Variants in SRP19 observed in about 807,000 individuals in gnomAD.
The protein encoded by SRP19 is signal recognition particle 19.
Under a neutral mutation model 22.4 loss-of-function variants are expected in SRP19, and 11 were observed. The observed-to-expected ratio is 0.49, with a 90% CI of 0.31 to 0.81. The LOEUF (loss-of-function observed/expected upper bound fraction) is 0.81. Ranked by LOEUF, SRP19 falls within the 40% of genes least tolerant of loss-of-function variation. The probability of loss-of-function intolerance (pLI) is 0.05; values close to 1 mark genes in which losing one functional copy is unlikely to be tolerated. For synonymous variants in SRP19, 61 were observed against 57.6 expected (o/e 1.06, Z -0.27); for missense variants, 168 against 175.9 (o/e 0.96, Z 0.25).
At chr5:112,877,462 A>G (rs1473307051) in intron 4 of SRP19, 1 of 152,218 alleles carries the variant, frequency 6.6e-6, no homozygotes, top group Non-Finnish European at 1.5e-5. Context: ...GATTTGGCAG[A>G]TCAATGGAGA....
chr5:112,891,732 G>A (rs1580737208), exon 5 of SRP19: 1 of 1,614,082 alleles, frequency 6.2e-7, no homozygotes, highest in African/African-American at 1.3e-5. Context: ...TGAAGAAGGA[G>A]AAACGAAAGA....
downstream of SRP19, chr5:112,893,289 A>C (rs1209965207): frequency 8.1e-6 from 2 of 247,110 alleles, no homozygotes; most frequent in Admixed American, 5.1e-5. Flanking sequence ...AGGCGTCTGT[A>C]ATCCAAGCTA....
downstream of SRP19, chr5:112,896,477 C>T (rs1388039594): frequency 6.6e-6 from 1 of 152,028 alleles, no homozygotes; most frequent in Non-Finnish European, 1.5e-5. Flanking sequence ...GAGCAGAGAT[C>T]ACGCCACTTC....
At chr5:112,873,276 T>C (rs1243395139), downstream of SRP19, among the ~76,000 whole-genome samples, 2 of 146,426 alleles carry the variant, frequency 1.4e-5, no homozygotes, top group African/African-American at 2.5e-5. Context: ...GTTTTCTTTT[T>C]TTTTTTTTTT....
At position 112,878,613 on chromosome 5, in the gene SRP19, T is replaced by C. The variant is rs1230486285; in HGVS notation, c.302-12990T>C. ...TGCATTAAGTTTAAAGTGCTCCCTA[T>C]ATATATAGACAGTAAAAGTAAGCAA... On this transcript the variant is annotated intron_variant, in intron 4 of 4. Transcript: ENST00000391338. The C allele has an allele frequency of 6.4e-6, 6 of 941,524 alleles. No individual in the cohort carries two copies. The Admixed American group carries it at 9.3e-5, about 15-fold the overall frequency. The allele number at this position is 941,524 out of a possible 1,614,324, so 58.3% of individuals were successfully genotyped here.
chr5:112,868,091 T>C lies in SRP19; in HGVS notation c.*554T>C. ...TGTAGATGATATTTTAATATATTATTGTAATCGAATCGTTCAGTTGTTTTT... is the reference window on the plus strand; with the variant it reads ...TGTAGATGATATTTTAATATATTATCGTAATCGAATCGTTCAGTTGTTTTT... On this transcript the variant is annotated 3_prime_UTR_variant, in exon 5 of 5. Transcript: ENST00000505459. 7 of 985,436 alleles carry C rather than the reference T, an allele frequency of 7.1e-6. No individual in the cohort carries two copies. Among genetic ancestry groups the C allele is most frequent in the Non-Finnish European group, 7.2e-6 (6 of 829,920 alleles). 61.0% of individuals were successfully genotyped at this position (985,436 alleles called of 1,614,324 possible).
downstream of SRP19, chr5:112,897,590 CA>C (rs1338123381): frequency 6.6e-6 from 1 of 152,144 alleles, no homozygotes; most frequent in African/African-American, 2.4e-5. Context: ...GATGTCAGAG[CA>C]AAGCTCAGAA....
At position 112,878,711 on chromosome 5, in the gene SRP19, A is replaced by G. The variant is rs1767971357; in HGVS notation, c.302-12892A>G. Reference sequence around the variant, plus strand: ...AAGGCAACATTATTAAAATAATTATACCACAGTCCCTAATATAACATCAAG... The same window carrying G: ...AAGGCAACATTATTAAAATAATTATGCCACAGTCCCTAATATAACATCAAG... On this transcript the variant is annotated intron_variant, in intron 4 of 4. Coordinates refer to the SRP19 transcript ENST00000391338. The G allele has an allele frequency of 1.9e-6, 3 of 1,559,258 alleles. No individual in the cohort carries two copies. The Admixed American group carries it at 6.0e-5, about 31-fold the overall frequency.
chr5:112,887,199 G>T, intron 4 of SRP19: 1 of 1,563,420 alleles, frequency 6.4e-7, no homozygotes. Context: ...CAGAAAAAGA[G>T]CCAGCATGGG....
At chr5:112,873,652 T>A (rs1419639418), downstream of SRP19, among the ~76,000 whole-genome samples, 31 of 152,124 alleles carry the variant, frequency 2.0e-4, no homozygotes, top group Admixed American at 2.0e-3. Context: ...CGGCCTTCTT[T>A]CTAACTTCTT....
At chr5:112,878,971 G>C (rs1767982624) in intron 4 of SRP19, 1 of 1,390,582 alleles carries the variant, frequency 7.2e-7, no homozygotes, top group African/African-American at 1.4e-5. Context: ...ATCATGTTGG[G>C]GTTTGTGGTC....
In SRP19 at chr5:112,888,225, A is replaced by G. The variant is rs1005942840; in HGVS notation, c.302-3378A>G. On this transcript the variant is annotated intron_variant, in intron 4 of 4. Coordinates refer to the SRP19 transcript ENST00000391338. ...GGGATGTACTCATAATCAACAAGCTATGATGGTTTTCTAAGACAGTCTTTC... is the reference window on the plus strand; with the variant it reads ...GGGATGTACTCATAATCAACAAGCTGTGATGGTTTTCTAAGACAGTCTTTC... Among the ~76,000 whole-genome samples, 25 of 152,230 alleles carry G rather than the reference A, an allele frequency of 1.6e-4. 1 individual carries two copies. The highest frequency in any genetic ancestry group is 5.8e-4 in the African/African-American group (24 of 41,466).
chr5:112,882,272 C>T (rs1304285689), intron 4 of SRP19, among the ~76,000 whole-genome samples: 1 of 152,080 alleles, frequency 6.6e-6, no homozygotes, highest in African/African-American at 2.4e-5. Flanking sequence ...ACTCAGCCAC[C>T]ATCACCTTTT....
chr5:112,864,570 G>A (rs1767526517), intron 3 of SRP19, 42 bp downstream of exon 3: 1 of 1,611,154 alleles, frequency 6.2e-7, no homozygotes, highest in Non-Finnish European at 8.5e-7. Flanking sequence ...TCATCTAATT[G>A]ATGTAATAAC....
At chr5:112,862,366 C>T (rs1000020527) in intron 1 of SRP19, 142 bp from the exon 2 acceptor site, 3 of 690,508 alleles carry the variant, frequency 4.3e-6, no homozygotes, top group Non-Finnish European at 7.5e-6. Flanking sequence ...TCAACTGCCA[C>T]GCAGAAAAAG....
At chr5:112,885,692 C>G (rs1768222071) in intron 4 of SRP19, 1 of 308,542 alleles carries the variant, frequency 3.2e-6, no homozygotes, top group African/African-American at 2.3e-5. Flanking sequence ...TAACCAGCCT[C>G]CCTTTCTCTG....
chr5:112,889,382 C>A (rs574925890), intron 4 of SRP19, among the ~76,000 whole-genome samples: 11 of 150,526 alleles, frequency 7.3e-5, no homozygotes. Flanking sequence ...CAGACAAACA[C>A]CAACTCCCAA....
Position 112,867,477 on chromosome 5 carries a change from T to G in SRP19, c.375T>G (p.Ala125=). The change falls in exon 5 of 5, where the codon GCT becomes GCG. Residue 125 remains alanine, a synonymous_variant. Coordinates refer to ENST00000505459, the MANE Select transcript of SRP19 (RefSeq NM_003135.3). The part of the protein sequence containing the change: ...LKTRTQKTGG[A]DQSLQQGEGS... ...CAAGGACACAAAAAACAGGAGGTGC[T>G]GACCAAAGTCTTCAACAAGGAGAGG... 1 of 1,613,856 alleles carries G rather than the reference T, an allele frequency of 6.2e-7. No homozygotes were observed. The highest frequency in any genetic ancestry group is 8.5e-7 in the Non-Finnish European group (1 of 1,179,940).
chr5:112,886,689 C>CA (rs1415202126), intron 4 of SRP19, among the ~76,000 whole-genome samples: 2 of 151,956 alleles, frequency 1.3e-5, no homozygotes, highest in East Asian at 1.9e-4. Flanking sequence ...AAGTATAATA[C>CA]AAAAAAATTA....
Sources: gnomAD v4.1 joint callset for allele counts (sites outside exome capture counted in the v4.1 genomes callset) on GRCh38, gnomAD v4.1.1 for gene constraint, MANE v1.5 for transcripts, NCBI Gene and HGNC (gene_info 2026-07-23, HGNC 2026-07-21) for gene names.